The following INPP4B variants were observed in gnomAD, a reference collection of about 807,000 sequenced individuals.
The protein encoded by INPP4B is inositol polyphosphate 4-phosphatase type II.
A neutral mutation model predicts 122.5 loss-of-function variants in INPP4B; 55 were observed. The ratio of observed to expected loss-of-function variants is 0.45; its 90% CI spans 0.36 to 0.56. The LOEUF (loss-of-function observed/expected upper bound fraction) is 0.56, where lower values mean the gene tolerates loss of function less well. INPP4B is among the 20% of genes least tolerant of loss of function. The pLI is 0.00. For missense variants in INPP4B, 1,000 were observed against 1,097.7 expected, an observed-to-expected ratio of 0.91 and a Z score of 1.26; for synonymous variants, 403 against 388.7, an observed-to-expected ratio of 1.04 and a Z score of -0.43.
intron 2 of INPP4B, among the ~76,000 whole-genome samples, chr4:142,609,137 G>A (rs1438084764): frequency 6.6e-6 from 1 of 151,694 alleles, no homozygotes; most frequent in Non-Finnish European, 1.5e-5. Context: ...TCTCTCTTCA[G>A]TTAGATTCCC....
intron 2 of INPP4B, chr4:142,560,761 A>C (rs1046028326): frequency 6.6e-6 from 1 of 152,222 alleles, no homozygotes. Flanking sequence ...CTGACAGCTG[A>C]TTAGACGGTG....
intron 11 of INPP4B, among the ~76,000 whole-genome samples, chr4:142,252,412 T>C (rs1732750268): frequency 6.6e-6 from 1 of 151,916 alleles, no homozygotes; most frequent in African/African-American, 2.4e-5. Flanking sequence ...ATGGTCTCGA[T>C]CTCCTGACCT....
chr4:142,056,716 G>C (rs1271061085), intron 25 of INPP4B, among the ~76,000 whole-genome samples: 1 of 152,088 alleles, frequency 6.6e-6, no homozygotes, highest in South Asian at 2.1e-4. Context: ...ATTTTACAAG[G>C]AAATGAACAG....
intron 25 of INPP4B, among the ~76,000 whole-genome samples, chr4:142,042,520 A>C (rs4956430): frequency 2.7e-5 from 1 of 37,536 alleles, no homozygotes; most frequent in Middle Eastern, 0.017. Context: ...GTGTGTGTGT[A>C]TGTATGTATG....
chr4:142,757,267 T>C (rs1279499113), intron 1 of INPP4B, among the ~76,000 whole-genome samples: 1 of 152,130 alleles, frequency 6.6e-6, no homozygotes, highest in Non-Finnish European at 1.5e-5. Flanking sequence ...TTTTTTACAA[T>C]GGATATCTAC....
chr4:142,537,125 G>T (rs1240617180), intron 2 of INPP4B, among the ~76,000 whole-genome samples: 4 of 151,944 alleles, frequency 2.6e-5, no homozygotes, highest in Non-Finnish European at 4.4e-5. Flanking sequence ...GACAGCAAGT[G>T]TGATTCATAG....
At chr4:142,422,699 G>A (rs1807198815) in intron 5 of INPP4B, among the ~76,000 whole-genome samples, 1 of 152,066 alleles carries the variant, frequency 6.6e-6, no homozygotes, top group Non-Finnish European at 1.5e-5. Flanking sequence ...TGTGGTCCTA[G>A]CTACTTGGGA....
chr4:142,666,149 G>A (rs1756014294), intron 2 of INPP4B, among the ~76,000 whole-genome samples: 1 of 152,084 alleles, frequency 6.6e-6, no homozygotes, highest in Non-Finnish European at 1.5e-5. Flanking sequence ...ATCTGTGTGT[G>A]TATATATATG....
At chr4:142,123,501 AC>A (rs1797442592) in intron 19 of INPP4B, 86 bp from the exon 20 acceptor site, 2 of 1,350,060 alleles carry the variant, frequency 1.5e-6, no homozygotes, top group Non-Finnish European at 2.0e-6. Flanking sequence ...CTGAGGCATC[AC>A]AGATTCGATT....
chr4:142,587,415 T>TATATTTTTAAATACATTA (rs1324339330), intron 2 of INPP4B, among the ~76,000 whole-genome samples: 8 of 152,078 alleles, frequency 5.3e-5, no homozygotes, highest in Admixed American at 3.9e-4. Context: ...ATCTGAAAAG[T>TATATTTTTAAATACATTA]CTTCTATTTA....
intron 1 of INPP4B, among the ~76,000 whole-genome samples, chr4:142,726,484 C>T (rs1765365849): frequency 6.6e-6 from 1 of 152,066 alleles, no homozygotes; most frequent in Non-Finnish European, 1.5e-5. Flanking sequence ...AGTACTTTAT[C>T]GAAGTCAAAA....
In INPP4B at chr4:142,569,293, A is replaced by ATT. The variant is rs141880193; in HGVS notation, c.-190-106569_-190-106568dup. Among the ~76,000 whole-genome samples the ATT allele has an allele frequency of 6.2e-3, 896 of 144,050 alleles. 10 individuals are homozygous for ATT. Among genetic ancestry groups the ATT allele is most frequent in the Admixed American group, 0.019 (275 of 14,382 alleles). 94.5% of individuals were successfully genotyped at this position (144,050 alleles called of 152,430 possible). A position where few individuals can be genotyped will look rare whatever the true frequency, so the allele number is the denominator to read the frequency against. Reference sequence around the variant, plus strand: ...TATCTACCACTGCAAATAAACATGGATTTTTTTTTTTTTTGCTAAAAACAA... The same window carrying ATT: ...TATCTACCACTGCAAATAAACATGGATTTTTTTTTTTTTTTTGCTAAAAACAA... On this transcript the variant is annotated intron_variant, in intron 2 of 25. Transcript: ENST00000262992.
At chr4:142,299,409 C>A (rs1228155858) in intron 9 of INPP4B, among the ~76,000 whole-genome samples, 1 of 151,970 alleles carries the variant, frequency 6.6e-6, no homozygotes, top group Non-Finnish European at 1.5e-5. Flanking sequence ...CTTGCCTCGG[C>A]CTTCTAAAGT....
At chr4:142,770,963 G>A (rs572029263) in intron 1 of INPP4B, among the ~76,000 whole-genome samples, 1 of 152,218 alleles carries the variant, frequency 6.6e-6, no homozygotes, top group Non-Finnish European at 1.5e-5. Context: ...TACATATTAA[G>A]GCAAGCACTA....
intron 2 of INPP4B, among the ~76,000 whole-genome samples, chr4:142,477,327 T>C (rs1176037120): frequency 3.3e-5 from 5 of 152,108 alleles, no homozygotes; most frequent in Admixed American, 2.0e-4. Flanking sequence ...TAGTGCTAAA[T>C]GCCCACATCA....
intron 1 of INPP4B, among the ~76,000 whole-genome samples, chr4:142,829,309 T>G (rs1198124534): frequency 6.6e-6 from 1 of 152,120 alleles, no homozygotes; most frequent in African/African-American, 2.4e-5. Flanking sequence ...CCCTGACTTC[T>G]GACGGACTTT....
chr4:142,727,418 C>T (rs1051393803), intron 1 of INPP4B, among the ~76,000 whole-genome samples: 3 of 152,032 alleles, frequency 2.0e-5, no homozygotes, highest in Admixed American at 6.6e-5. Flanking sequence ...CCACAGCAAA[C>T]AAAAAGACAT....
chr4:142,201,260 G>A (rs1218395438), intron 14 of INPP4B, among the ~76,000 whole-genome samples: 1 of 152,002 alleles, frequency 6.6e-6, no homozygotes, highest in Non-Finnish European at 1.5e-5. Flanking sequence ...GGGTATGTTA[G>A]GTTTGTCACA....
chr4:142,804,570 T>C (rs1379597311), intron 1 of INPP4B, among the ~76,000 whole-genome samples: 1 of 152,164 alleles, frequency 6.6e-6, no homozygotes, highest in East Asian at 1.9e-4. Context: ...TTTGATTCCC[T>C]TTCCTTTCTC....
Sources: gnomAD v4.1 joint callset for allele counts (sites outside exome capture counted in the v4.1 genomes callset) on GRCh38, gnomAD v4.1.1 for gene constraint, MANE v1.5 for transcripts, NCBI Gene and HGNC (gene_info 2026-07-23, HGNC 2026-07-21) for gene names.